The following CENPP variants were observed in gnomAD, a reference collection of about 807,000 sequenced individuals.
CENPP encodes centromere protein P.
Under a neutral mutation model 35.6 loss-of-function variants are expected in CENPP, and 24 were observed. The observed-to-expected ratio is 0.67, with a 90% confidence interval of 0.49 to 0.95. The LOEUF (loss-of-function observed/expected upper bound fraction) is 0.95, where lower values mean the gene tolerates loss of function less well. Ranked by LOEUF, CENPP falls within the 40% of genes least tolerant of loss-of-function variation. CENPP has a pLI of 0.00. For synonymous variants in CENPP, 120 were observed against 125.5 expected, an observed-to-expected ratio of 0.96 and a Z score of 0.29; for missense variants, 332 against 345.3, an observed-to-expected ratio of 0.96 and a Z score of 0.31.
At chr9:92,415,351 T>C (rs1843559895) in intron 5 of CENPP, 2 of 1,613,538 alleles carry the variant, frequency 1.2e-6, no homozygotes, top group Admixed American at 3.3e-5. Flanking sequence ...AGTGTGTATA[T>C]GAGGGAAGCA....
intron 5 of CENPP, among the ~76,000 whole-genome samples, chr9:92,589,761 CTTTTA>C (rs1004266197): frequency 1.3e-5 from 2 of 152,066 alleles, no homozygotes; most frequent in African/African-American, 4.8e-5. Flanking sequence ...ATTTAGAGCT[CTTTTA>C]TTTTGAGCTT....
At chr9:92,418,367 G>A (rs527471093) in intron 5 of CENPP, among the ~76,000 whole-genome samples, 19 of 151,714 alleles carry the variant, frequency 1.3e-4, no homozygotes, top group Admixed American at 7.2e-4. Flanking sequence ...GATTACAGGC[G>A]TGAGCCACTG....
intron 3 of CENPP, among the ~76,000 whole-genome samples, chr9:92,344,057 A>G (rs1229597978): frequency 6.6e-6 from 1 of 151,972 alleles, no homozygotes; most frequent in Non-Finnish European, 1.5e-5. Flanking sequence ...GGAGAATGAG[A>G]ACTGTGGGCT....
chr9:92,358,590 A>G (rs771055099), intron 4 of CENPP, among the ~76,000 whole-genome samples: 25 of 151,504 alleles, frequency 1.7e-4, no homozygotes, highest in Non-Finnish European at 2.8e-4. Flanking sequence ...TTTTCTTTTT[A>G]TTTCTCAGAC....
At chr9:92,533,320 A>AC (rs1563991340) in intron 5 of CENPP, among the ~76,000 whole-genome samples, 1 of 92,470 alleles carries the variant, frequency 1.1e-5, no homozygotes, top group Admixed American at 1.2e-4. Flanking sequence ...AAAAAAAAAA[A>AC]AAAAAAAAAT....
chr9:92,346,653 T>C (rs986804823), intron 4 of CENPP, among the ~76,000 whole-genome samples: 2 of 152,152 alleles, frequency 1.3e-5, no homozygotes, highest in Non-Finnish European at 2.9e-5. Flanking sequence ...CTGGATACTA[T>C]GGGGAAATGG....
chr9:92,345,619 C>T, intron 3 of CENPP, 80 bp from the exon 4 acceptor site: 1 of 752,650 alleles, frequency 1.3e-6, no homozygotes. Flanking sequence ...GGTGGCATTT[C>T]ATTTTGCATA....
chr9:92,474,675 A>G, intron 5 of CENPP: 1 of 1,613,960 alleles, frequency 6.2e-7, no homozygotes. Context: ...CCAAATGGAC[A>G]CATTGGAAAC....
chr9:92,557,989 T>A (rs1194626227), intron 5 of CENPP, among the ~76,000 whole-genome samples: 1 of 152,172 alleles, frequency 6.6e-6, no homozygotes, highest in Non-Finnish European at 1.5e-5. Context: ...CTGAGTTTTT[T>A]ATTGTTTTTT....
intron 6 of CENPP, among the ~76,000 whole-genome samples, chr9:92,612,014 T>C (rs1356487213): frequency 6.6e-6 from 1 of 152,246 alleles, no homozygotes; most frequent in Non-Finnish European, 1.5e-5. Flanking sequence ...GCAGCTGCAG[T>C]GCAGTTTCAC....
At chr9:92,403,504 A>T (rs1267341600) in intron 5 of CENPP, 1 of 1,474,510 alleles carries the variant, frequency 6.8e-7, no homozygotes, top group African/African-American at 1.4e-5. Context: ...AATTCAGACC[A>T]TCGAAGCAAT....
chr9:92,479,250 A>G (rs1564344783), intron 5 of CENPP, among the ~76,000 whole-genome samples: 1 of 152,216 alleles, frequency 6.6e-6, no homozygotes. Flanking sequence ...GAGAAGCATC[A>G]GCCGGGGCCC....
chr9:92,500,622 T>G, intron 5 of CENPP: 1 of 1,068,754 alleles, frequency 9.4e-7, no homozygotes, highest in Non-Finnish European at 1.3e-6. Context: ...CTTAGCACCA[T>G]TTTTTTTTCC....
intron 5 of CENPP, among the ~76,000 whole-genome samples, chr9:92,570,342 G>T (rs1367598406): frequency 6.6e-6 from 1 of 152,094 alleles, no homozygotes; most frequent in African/African-American, 2.4e-5. Context: ...TAATCATGTG[G>T]TTTTTGTCTT....
At chr9:92,563,720 CT>C (rs1486520212) in intron 5 of CENPP, among the ~76,000 whole-genome samples, 1 of 152,068 alleles carries the variant, frequency 6.6e-6, no homozygotes, top group East Asian at 1.9e-4. Flanking sequence ...TTGTGTCTCC[CT>C]TCTTAATCTC....
chr9:92,382,436 A>G (rs1842273947), intron 5 of CENPP, among the ~76,000 whole-genome samples: 1 of 152,102 alleles, frequency 6.6e-6, no homozygotes, highest in Admixed American at 6.5e-5. Flanking sequence ...GTCATCTTAC[A>G]ATGGTATAGA....
intron 5 of CENPP, among the ~76,000 whole-genome samples, chr9:92,558,501 G>A (rs1361490304): frequency 6.6e-6 from 1 of 152,194 alleles, no homozygotes; most frequent in Admixed American, 6.5e-5. Context: ...CCATCTATGG[G>A]TCTCTCAGCC....
At position 92,619,377 on chromosome 9, in the gene CENPP, G is replaced by A. The variant is rs559839673; in HGVS notation, c.*6228G>A. On this transcript the variant is annotated 3_prime_UTR_variant, in exon 8 of 8. Coordinates refer to ENST00000375587, the MANE Select transcript of CENPP (RefSeq NM_001012267.3). ...TAGGCCAAGGAAGTTATGTCACTCC[G>A]CCATGGAGTCTCTAAATATGGGGAA... The A allele has an allele frequency of 2.2e-5, 19 of 856,210 alleles. No individual in the cohort carries two copies. The highest frequency in any genetic ancestry group is 3.0e-5 in the Non-Finnish European group (16 of 526,500). 53.0% of individuals were successfully genotyped at this position (856,210 alleles called of 1,614,324 possible). A position where few individuals can be genotyped will look rare whatever the true frequency, so the allele number is the denominator to read the frequency against.
chr9:92,584,102 C>T (rs1850490653), intron 5 of CENPP, among the ~76,000 whole-genome samples: 1 of 152,206 alleles, frequency 6.6e-6, no homozygotes, highest in Non-Finnish European at 1.5e-5. Context: ...CCTGGCCACA[C>T]CTCACCCCAG....
Sources: gnomAD v4.1 joint callset for allele counts (sites outside exome capture counted in the v4.1 genomes callset) on GRCh38, gnomAD v4.1.1 for gene constraint, MANE v1.5 for transcripts, NCBI Gene and HGNC (gene_info 2026-07-23, HGNC 2026-07-21) for gene names.